The following MACF1 variants were observed in gnomAD, a reference collection of about 807,000 sequenced individuals.
MACF1 encodes the protein microtubule-actin cross-linking factor 1.
Under a neutral mutation model 854.8 loss-of-function variants are expected in MACF1, and 193 were observed. The observed-to-expected ratio is 0.23, with a 90% confidence interval of 0.20 to 0.25. The LOEUF is 0.25. Among genes scored for constraint, MACF1 ranks in the 10% least tolerant of loss-of-function variants. The pLI is 1.00. For missense variants in MACF1, 7,722 were observed against 8,929.1 expected (o/e 0.86, Z 5.45); for synonymous variants, 3,185 against 3,226.7 (o/e 0.99, Z 0.44).
chr1:39,137,402 C>G (rs1205481084), intron 2 of MACF1, among the ~76,000 whole-genome samples: 1 of 152,198 alleles, frequency 6.6e-6, no homozygotes, highest in Non-Finnish European at 1.5e-5. Context: ...GGTTCTTGCT[C>G]TGTCGCACAG....
intron 5 of MACF1, among the ~76,000 whole-genome samples, chr1:39,255,479 T>C (rs1645086646): frequency 1.3e-5 from 2 of 152,184 alleles, no homozygotes; most frequent in Admixed American, 1.3e-4. Flanking sequence ...CAACGTGACA[T>C]TAAATGGTAT....
chr1:39,428,026 C>T lies in MACF1; in HGVS notation c.16542C>T (p.Ser5514=). Residue 5514 remains serine, a synonymous_variant, in exon 63 of 101, where the codon TCC becomes TCT. Coordinates refer to ENST00000564288, the MANE Select transcript of MACF1 (RefSeq NM_001394062.1). ...DVHQAVKIGQ[S]LSSLTSPAEQ... is the part of the protein sequence containing the mutation. ...ACCAGGCAGTCAAAATTGGGCAGTC[C>T]CTCTCCTCCCTGACATCTCCTGCAG... is the stretch of plus-strand genomic sequence containing the variant. 1 of 1,614,144 alleles carries T rather than the reference C, an allele frequency of 6.2e-7. No homozygotes were observed. Among genetic ancestry groups the T allele is most frequent in the Non-Finnish European group, 8.5e-7 (1 of 1,180,010 alleles).
chr1:39,423,011 A>T, intron 60 of MACF1, 111 bp downstream of exon 60: 2 of 912,300 alleles, frequency 2.2e-6, no homozygotes, highest in Non-Finnish European at 3.3e-6. Flanking sequence ...ATCCTAAACT[A>T]CTTTGTGTCG....
chr1:39,422,609 C>G (rs1019864164), intron 59 of MACF1, 74 bp downstream of exon 59: 1 of 1,538,944 alleles, frequency 6.5e-7, no homozygotes, highest in African/African-American at 1.4e-5. Flanking sequence ...CTAAGGTTTC[C>G]CGAAACCTGA....
At position 39,267,948 on chromosome 1, in the gene MACF1, A is replaced by G. The variant is rs139128932; in HGVS notation, c.528+9920A>G. Among the ~76,000 whole-genome samples the G allele has an allele frequency of 6.9e-3, 1,056 of 152,358 alleles. 8 individuals are homozygous for G. Among genetic ancestry groups the G allele is most frequent in the African/African-American group, 0.024 (996 of 41,570 alleles). On this transcript the variant is annotated intron_variant, in intron 6 of 100. Transcript: ENST00000564288. The stretch of plus-strand genomic sequence containing the variant: ...TGTTCCTTTTCTTAACTGTAAGAAG[A>G]AGGCTCTGGTTTCTTCAGGTTATAA...
rs1646726870 is a variant in MACF1, at chr1:39,331,596, A to G, written c.5008A>G (p.Ile1670Val). The G allele has an allele frequency of 1.9e-6, 3 of 1,614,174 alleles. No homozygotes were observed. The highest frequency in any genetic ancestry group is 1.1e-5 in the South Asian group (1 of 91,084). The change falls in exon 37 of 101, where the codon ATT (isoleucine) becomes GTT (valine). Residue 1670 changes from isoleucine to valine, a missense_variant. Ile to Val is a conservative substitution (Grantham distance 29). Coordinates refer to ENST00000564288, the MANE Select transcript of MACF1 (RefSeq NM_001394062.1). ...GFSLSPSENCINLEEAFHQGL... is the reference protein window; with the variant it reads ...GFSLSPSENCVNLEEAFHQGL... Reference sequence around the variant, plus strand: ...CAGTCTTTCCCCTAGTGAGAACTGTATTAACCTGGAAGAGGCTTTTCATCA... The same window carrying G: ...CAGTCTTTCCCCTAGTGAGAACTGTGTTAACCTGGAAGAGGCTTTTCATCA...
chr1:39,108,566 A>G (rs950445517), intron 2 of MACF1, among the ~76,000 whole-genome samples: 12 of 139,006 alleles, frequency 8.6e-5, no homozygotes. Context: ...GCTGGAGTGC[A>G]GTGGCACGAT....
intron 58 of MACF1, among the ~76,000 whole-genome samples, chr1:39,419,500 ATT>A (rs1643450387): frequency 7.4e-6 from 1 of 135,920 alleles, no homozygotes; most frequent in African/African-American, 3.0e-5. Context: ...ACCGGTAAGT[ATT>A]TAATGTAGAT....
At chr1:39,303,613 A>G (rs1646097852) in intron 23 of MACF1, among the ~76,000 whole-genome samples, 3 of 150,666 alleles carry the variant, frequency 2.0e-5, no homozygotes, top group Non-Finnish European at 4.4e-5. Flanking sequence ...ACACTTTGGG[A>G]GGCCGAGGGA....
intron 6 of MACF1, among the ~76,000 whole-genome samples, chr1:39,261,308 C>T (rs1032528428): frequency 6.6e-5 from 10 of 152,016 alleles, no homozygotes; most frequent in African/African-American, 2.4e-4. Flanking sequence ...TAGGAAAATG[C>T]ATTCATAAAA....
intron 2 of MACF1, among the ~76,000 whole-genome samples, chr1:39,135,708 C>T (rs554120546): frequency 2.0e-4 from 30 of 152,232 alleles, no homozygotes; most frequent in African/African-American, 6.7e-4. Context: ...GATGGACCTA[C>T]TGAACCCTAT....
At chr1:39,191,693 T>C (rs12129008) in intron 2 of MACF1, among the ~76,000 whole-genome samples, 45 of 152,232 alleles carry the variant, frequency 3.0e-4, no homozygotes, top group Non-Finnish European at 5.1e-4. Context: ...TTATCCAAAG[T>C]AGAAGCTGTG....
chr1:39,191,455 T>G (rs1291145982), intron 2 of MACF1, among the ~76,000 whole-genome samples: 1 of 152,188 alleles, frequency 6.6e-6, no homozygotes, highest in African/African-American at 2.4e-5. Flanking sequence ...TGGGAGAAAG[T>G]TTAACTACAA....
chr1:39,356,959 C>T (rs906099687), intron 44 of MACF1, among the ~76,000 whole-genome samples: 2 of 152,236 alleles, frequency 1.3e-5, no homozygotes, highest in East Asian at 1.9e-4. Flanking sequence ...AAGTCCTATA[C>T]GTGTCAGTTC....
intron 58 of MACF1, among the ~76,000 whole-genome samples, chr1:39,403,390 C>T (rs185530971): frequency 1.2e-4 from 19 of 152,258 alleles, no homozygotes; most frequent in African/African-American, 4.3e-4. Context: ...TGAGCCACCA[C>T]GCCTGGCCCA....
intron 41 of MACF1, 96 bp downstream of exon 41, chr1:39,347,306 G>A: frequency 2.1e-6 from 2 of 936,850 alleles, no homozygotes; most frequent in South Asian, 2.9e-5. Context: ...GATTGCAGGA[G>A]CCTGGGTTTA....
intron 58 of MACF1, among the ~76,000 whole-genome samples, chr1:39,395,387 G>A (rs1487126245): frequency 6.6e-6 from 1 of 152,198 alleles, no homozygotes; most frequent in Non-Finnish European, 1.5e-5. Flanking sequence ...TTATGACTGT[G>A]TGTAGTGGCA....
chr1:39,399,326 T>C (rs1188412116), intron 58 of MACF1, among the ~76,000 whole-genome samples: 3 of 151,972 alleles, frequency 2.0e-5, no homozygotes, highest in Non-Finnish European at 4.4e-5. Context: ...ACATTTTAGG[T>C]ATTTGATTTC....
At chr1:39,456,764 C>G (rs1644448477) in intron 89 of MACF1, 1 of 152,370 alleles carries the variant, frequency 6.6e-6, no homozygotes, top group South Asian at 2.1e-4. Context: ...GCTTCTTGTT[C>G]CCTGTCTCAT....
Sources: allele counts gnomAD v4.1 joint callset (sites outside exome capture counted in the v4.1 genomes callset), GRCh38; gene constraint gnomAD v4.1.1; transcripts MANE v1.5; gene names NCBI Gene and HGNC (gene_info 2026-07-23, HGNC 2026-07-21).